Variants in ZNF341 observed in about 807,000 individuals in gnomAD.
ZNF341 encodes the protein zinc finger protein 341.
Under a neutral mutation model 87.7 loss-of-function variants are expected in ZNF341, and 52 were observed. The ratio of observed to expected loss-of-function variants is 0.59; its 90% CI spans 0.47 to 0.75. The LOEUF is 0.75. ZNF341 is among the 30% of genes least tolerant of loss of function. The probability of loss-of-function intolerance (pLI) is 0.00; values close to 1 mark genes in which losing one functional copy is unlikely to be tolerated. For synonymous variants in ZNF341, 459 were observed against 472.7 expected, an observed-to-expected ratio of 0.97 and a Z score of 0.38; for missense variants, 977 against 1,145.9, an observed-to-expected ratio of 0.85 and a Z score of 2.13.
intron 8 of ZNF341, among the ~76,000 whole-genome samples, chr20:33,764,561 A>ATATATATATATATATATATTTTT (rs1266929824): frequency 7.0e-5 from 2 of 28,412 alleles, no homozygotes; most frequent in Non-Finnish European, 1.3e-4. Context: ...ATATATATAT[A>ATATATATATATATATATATTTTT]TTTTTTTTTT....
chr20:33,770,343 G>GGGGGGGGGCTGGC, intron 10 of ZNF341, 51 bp downstream of exon 10: 1 of 511,252 alleles, frequency 2.0e-6, no homozygotes, highest in Non-Finnish European at 4.0e-6. Context: ...GGTGGGCAGG[G>GGGGGGGGGCTGGC]AGCCCAGGGC....
Position 33,770,306 on chromosome 20 carries a change from G to C in ZNF341, c.1622+14G>C. On this transcript the variant is annotated intron_variant, in intron 10 of 14. Transcript: ENST00000375200. ...TGCCGTCTACAAGTAAGTGCCTCCT[G>C]CTTCCCTCTCCCTGGGTGGACGGGT... The C allele has an allele frequency of 7.0e-7, 1 of 1,432,708 alleles. No individual in the cohort carries two copies. Among genetic ancestry groups the C allele is most frequent in the Non-Finnish European group, 9.6e-7 (1 of 1,041,756 alleles). 88.7% of individuals were successfully genotyped at this position (1,432,708 alleles called of 1,614,324 possible).
chr20:33,788,997 G>C (rs750826057), intron 13 of ZNF341, 23 bp downstream of exon 13: 15 of 1,593,848 alleles, frequency 9.4e-6, no homozygotes, highest in African/African-American at 2.7e-5. Context: ...TGCCATGCAG[G>C]GGGGTGGGTA....
At chr20:33,768,100 T>C (rs2019445951) in intron 9 of ZNF341, among the ~76,000 whole-genome samples, 1 of 150,594 alleles carries the variant, frequency 6.6e-6, no homozygotes, top group Non-Finnish European at 1.5e-5. Flanking sequence ...TGGTTGACAC[T>C]AGATGCAAGG....
intron 8 of ZNF341, among the ~76,000 whole-genome samples, chr20:33,764,020 CTTTTTTTTTT>C (rs760255384): frequency 3.8e-5 from 5 of 131,186 alleles, no homozygotes; most frequent in Non-Finnish European, 8.2e-5. Context: ...CCATCTCTCT[CTTTTTTTTTT>C]TTTTTTTTTT....
intron 12 of ZNF341, chr20:33,787,405 G>C (rs1221281926): frequency 6.6e-6 from 1 of 152,166 alleles, no homozygotes; most frequent in African/African-American, 2.4e-5. Flanking sequence ...TGACCACAGA[G>C]CATTCTATTG....
chr20:33,740,856 A>T (rs766536745), intron 1 of ZNF341, 46 bp from the exon 2 acceptor site: 1 of 1,574,030 alleles, frequency 6.4e-7, no homozygotes, highest in Non-Finnish European at 8.7e-7. Flanking sequence ...ATGTCAGAGC[A>T]TGATGCTGGG....
At chr20:33,767,842 A>G (rs2019440311) in intron 9 of ZNF341, among the ~76,000 whole-genome samples, 1 of 152,210 alleles carries the variant, frequency 6.6e-6, no homozygotes, top group Non-Finnish European at 1.5e-5. Flanking sequence ...GGGCTTATAT[A>G]GAGCAGGTCA....
chr20:33,762,249 G>C (rs1018602224), intron 8 of ZNF341, among the ~76,000 whole-genome samples, 194 bp downstream of exon 8: 6 of 151,952 alleles, frequency 3.9e-5, no homozygotes, highest in Non-Finnish European at 8.8e-5. Context: ...CTCTAATACT[G>C]TACCCATGGC....
At position 33,764,577 on chromosome 20, in the gene ZNF341, T is replaced by A. The variant is rs1467559741; in HGVS notation, c.1223-2274T>A. 4.3e-4 allele frequency among the ~76,000 whole-genome samples: 42 copies of A among 97,100 alleles called. 1 individual carries two copies. The highest frequency in any genetic ancestry group is 1.5e-3 in the African/African-American group (39 of 25,548). 63.7% of individuals were successfully genotyped at this position (97,100 alleles called of 152,430 possible). A position where few individuals can be genotyped will look rare whatever the true frequency, so the allele number is the denominator to read the frequency against. Reference sequence around the variant, plus strand: ...TATATATATATTTTTTTTTTTTTTTTTTTTTTTTTTTTTGAGATGGAGTCT... The same window carrying A: ...TATATATATATTTTTTTTTTTTTTTATTTTTTTTTTTTTGAGATGGAGTCT... On this transcript the variant is annotated intron_variant, in intron 8 of 14. Transcript: ENST00000375200.
rs1601260725 is a variant in ZNF341 at position 33,763,491 on chromosome 20, G to T, written c.1222+1436G>T. Among the ~76,000 whole-genome samples, 3 of 152,190 alleles carry T rather than the reference G, an allele frequency of 2.0e-5. No homozygotes were observed. The Middle Eastern group carries it at 0.01, about 518-fold the overall frequency. On this transcript the variant is annotated intron_variant, in intron 8 of 14. Transcript: ENST00000375200. ...TTTTCGTATTTTTAGTAGAGACAAGGCTTCACCATGTTGGCCAGGCTGGTC... is the reference window on the plus strand; with the variant it reads ...TTTTCGTATTTTTAGTAGAGACAAGTCTTCACCATGTTGGCCAGGCTGGTC...
At chr20:33,777,283 A>G (rs1202350141) in intron 10 of ZNF341, among the ~76,000 whole-genome samples, 4 of 134,198 alleles carry the variant, frequency 3.0e-5, no homozygotes, top group Non-Finnish European at 6.2e-5. Context: ...AGATCGCACC[A>G]CTGCACTCCC....
At chr20:33,782,971 C>T (rs1282890921) in intron 11 of ZNF341, among the ~76,000 whole-genome samples, 1 of 152,192 alleles carries the variant, frequency 6.6e-6, no homozygotes, top group East Asian at 1.9e-4. Context: ...GCCTAACCAA[C>T]ATGGAGAAAC....
At position 33,757,152 on chromosome 20, in the gene ZNF341, CA is replaced by C; in HGVS notation, c.749del (p.Asn250ThrfsTer33). On this transcript the variant is annotated frameshift_variant, in exon 6 of 15. Transcript: ENST00000375200. LOFTEE classifies it high-confidence loss of function. ...CTGACTGTGTTGTCCTCCTAGGTGC[CA>C]AACCAGTGTGTGGAGCCTCCAGTAT... ...GMQPYPPLEV[P>X]NQCVEPPVYP... 2 of 1,429,138 alleles carry C rather than the reference CA, an allele frequency of 1.4e-6. No individual in the cohort carries two copies. The highest frequency in any genetic ancestry group is 1.8e-6 in the Non-Finnish European group (2 of 1,084,810). 88.5% of individuals were successfully genotyped at this position (1,429,138 alleles called of 1,614,324 possible). A position where few individuals can be genotyped will look rare whatever the true frequency, so the allele number is the denominator to read the frequency against.
chr20:33,747,636 A>C (rs1466885574), intron 3 of ZNF341, among the ~76,000 whole-genome samples: 6 of 132,712 alleles, frequency 4.5e-5, no homozygotes, highest in Non-Finnish European at 9.0e-5. Context: ...AAAAAAAAAA[A>C]AAAAAACACA....
intron 14 of ZNF341, among the ~76,000 whole-genome samples, chr20:33,790,750 A>G (rs1038727235): frequency 6.6e-6 from 1 of 152,154 alleles, no homozygotes; most frequent in Admixed American, 6.5e-5. Context: ...TGTTCCAGGC[A>G]GAGGAGAATG....
In ZNF341 at chr20:33,791,081, A is replaced by G. The variant is rs1227233943; in HGVS notation, c.2129A>G (p.Lys710Arg). 1.2e-6 allele frequency: 2 copies of G among 1,613,228 alleles called. No homozygotes were observed. The highest frequency in any genetic ancestry group is 2.2e-5 in the South Asian group (2 of 91,088). ...CAGCGCGCCCACACGGGCAACTACA[A>G]GTTCCGCTGTGCTGGCTGCGCCAAG... ...EHQRAHTGNY[K>R]FRCAGCAKGF... is the part of the protein sequence containing the mutation. The change falls in exon 15 of 15, where the codon AAG (lysine) becomes AGG (arginine). Residue 710 changes from lysine to arginine, a missense_variant. By Grantham distance (26) the Lys-to-Arg change is conservative (BLOSUM62 2). Around this residue, in one of 3 missense-constraint regions of ZNF341, gnomAD observed 221 missense variants for 212.7 expected, o/e 1.04. Coordinates refer to ENST00000375200, the MANE Select transcript of ZNF341 (RefSeq NM_001282933.2).
chr20:33,772,564 A>AG (rs2019554394), intron 10 of ZNF341, among the ~76,000 whole-genome samples: 1 of 152,220 alleles, frequency 6.6e-6, no homozygotes, highest in African/African-American at 2.4e-5. Context: ...GAGATACCAC[A>AG]GGGGAGGCAG....
rs372220411 is a variant in ZNF341 at position 33,737,861 on chromosome 20, G to C, written c.32-3041G>C. Among the ~76,000 whole-genome samples, 20 of 152,244 alleles carry C rather than the reference G, an allele frequency of 1.3e-4. 1 individual carries two copies. In the South Asian group the frequency reaches 3.5e-3, roughly 27 times the overall value. The stretch of plus-strand genomic sequence containing the variant: ...TTCTATAATAATGATGTTGGGGCCA[G>C]GTGCGGTGGCTCACACCTGTAACCC... On this transcript the variant is annotated intron_variant, in intron 1 of 14. Coordinates refer to ENST00000375200, the MANE Select transcript of ZNF341 (RefSeq NM_001282933.2).
Sources: gnomAD v4.1 joint callset for allele counts (sites outside exome capture counted in the v4.1 genomes callset) on GRCh38, gnomAD v4.1.1 for gene constraint, gnomAD v4.1.1 regional missense constraint, MANE v1.5 for transcripts, NCBI Gene and HGNC (gene_info 2026-07-23, HGNC 2026-07-21) for gene names.